The following LRRFIP1 variants were observed in gnomAD, a reference collection of about 807,000 sequenced individuals.
LRRFIP1 encodes leucine-rich repeat flightless-interacting protein 1.
Under a neutral mutation model 104.4 loss-of-function variants are expected in LRRFIP1, and 62 were observed. The ratio of observed to expected loss-of-function variants is 0.59; its 90% CI spans 0.48 to 0.73. The LOEUF (loss-of-function observed/expected upper bound fraction) is 0.73. Among genes scored for constraint, LRRFIP1 ranks in the 30% least tolerant of loss-of-function variants. LRRFIP1 has a pLI of 0.00. For synonymous variants in LRRFIP1, 300 were observed against 299.0 expected, an observed-to-expected ratio of 1.00 and a Z score of -0.03; for missense variants, 796 against 824.5, an observed-to-expected ratio of 0.97 and a Z score of 0.42.
chr2:237,670,429 T>G (rs75720960), intron 1 of LRRFIP1, among the ~76,000 whole-genome samples: 2 of 151,858 alleles, frequency 1.3e-5, no homozygotes, highest in East Asian at 3.9e-4. Context: ...AAGCCAGGGG[T>G]GGGGTAGGAC....
At chr2:237,751,561 T>G (rs1170035368) in intron 14 of LRRFIP1, among the ~76,000 whole-genome samples, 1 of 152,224 alleles carries the variant, frequency 6.6e-6, no homozygotes, top group Non-Finnish European at 1.5e-5. Context: ...AAAACCAGTT[T>G]CTCATTTCCC....
intron 7 of LRRFIP1, 51 bp from the exon 8 acceptor site, chr2:237,727,825 G>T: frequency 7.2e-7 from 1 of 1,380,474 alleles, no homozygotes; most frequent in South Asian, 1.2e-5. Flanking sequence ...TTGTACCTGT[G>T]AATTCATTTG....
At chr2:237,710,786 ATTCC>A (rs2094038940) in intron 2 of LRRFIP1, among the ~76,000 whole-genome samples, 2 of 152,342 alleles carry the variant, frequency 1.3e-5, no homozygotes, top group Non-Finnish European at 2.9e-5. Context: ...GCATCCCTTT[ATTCC>A]TTTGATTGAA....
intron 1 of LRRFIP1, among the ~76,000 whole-genome samples, chr2:237,659,514 A>T (rs1048104736): frequency 1.3e-5 from 2 of 151,236 alleles, no homozygotes; most frequent in African/African-American, 4.8e-5. Flanking sequence ...AAAGCTGGCA[A>T]ATGGAACCAC....
Position 237,764,378 on chromosome 2 carries a change from A to G in LRRFIP1, c.1459+4173A>G. The stretch of plus-strand genomic sequence containing the variant: ...ATCAGTGTACGTTCTAATTGAGAGC[A>G]TTCCAGTAGTATCAAACAATAATGT... On this transcript the variant is annotated intron_variant, in intron 19 of 23. Coordinates refer to ENST00000308482, the MANE Select transcript of LRRFIP1 (RefSeq NM_001137550.2). 6 of 1,435,438 alleles carry G rather than the reference A, an allele frequency of 4.2e-6. No homozygotes were observed. In the South Asian group the frequency reaches 9.5e-5, roughly 23 times the overall value. The allele number at this position is 1,435,438 out of a possible 1,614,324, so 88.9% of individuals were successfully genotyped here.
At chr2:237,774,233 A>T (rs1286148233) in intron 22 of LRRFIP1, 125 bp from the exon 23 acceptor site, 2 of 650,752 alleles carry the variant, frequency 3.1e-6, no homozygotes, top group Admixed American at 2.9e-5. Context: ...CCAAAATGTT[A>T]TAAGTATTTA....
chr2:237,675,478 C>T (rs1397232276), intron 1 of LRRFIP1, among the ~76,000 whole-genome samples: 3 of 152,188 alleles, frequency 2.0e-5, no homozygotes, highest in African/African-American at 7.2e-5. Flanking sequence ...CTTCACCAGC[C>T]TGCCAGGGGG....
At chr2:237,776,951 T>C (rs2061146393) in intron 23 of LRRFIP1, among the ~76,000 whole-genome samples, 1 of 152,212 alleles carries the variant, frequency 6.6e-6, no homozygotes, top group Admixed American at 6.5e-5. Context: ...GTCTTTTGTG[T>C]GTCATTTTTC....
At chr2:237,684,629 C>A (rs2092181737) in intron 1 of LRRFIP1, among the ~76,000 whole-genome samples, 1 of 152,138 alleles carries the variant, frequency 6.6e-6, no homozygotes, top group African/African-American at 2.4e-5. Context: ...TTTAAATGAA[C>A]TATTCTGAGA....
chr2:237,638,081 CACATT>C (rs1379096074), intron 1 of LRRFIP1, among the ~76,000 whole-genome samples: 1 of 152,126 alleles, frequency 6.6e-6, no homozygotes, highest in African/African-American at 2.4e-5. Context: ...ATGATTCCAG[CACATT>C]ACATTTATTG....
intron 1 of LRRFIP1, among the ~76,000 whole-genome samples, chr2:237,698,511 C>T (rs2093331369): frequency 6.6e-6 from 1 of 152,232 alleles, no homozygotes; most frequent in Admixed American, 6.5e-5. Flanking sequence ...TGCCAGGTCC[C>T]CCGAGTGCAG....
At chr2:237,666,807 CTCTT>C (rs2089411513) in intron 1 of LRRFIP1, among the ~76,000 whole-genome samples, 1 of 148,802 alleles carries the variant, frequency 6.7e-6, no homozygotes, top group African/African-American at 2.5e-5. Context: ...CTCTTTCTTT[CTCTT>C]TCTTTCTTTC....
intron 11 of LRRFIP1, among the ~76,000 whole-genome samples, chr2:237,742,750 G>GT (rs1163017189): frequency 6.6e-6 from 1 of 152,202 alleles, no homozygotes; most frequent in African/African-American, 2.4e-5. Flanking sequence ...GCCTGGATAG[G>GT]ACTCCCCGGT....
intron 11 of LRRFIP1, among the ~76,000 whole-genome samples, chr2:237,742,223 C>A (rs529043904): frequency 4.1e-4 from 62 of 152,332 alleles, no homozygotes; most frequent in African/African-American, 1.5e-3. Context: ...CGTCCTGGGA[C>A]CTGATGGGGG....
rs1010214634 is a variant in LRRFIP1, at chr2:237,758,645, A to G, written c.1225-84A>G. On this transcript the variant is annotated intron_variant, in intron 17 of 23. Transcript: ENST00000308482. ...GTCCACTAGTGTTTTAGATGGTAGA[A>G]GCCTCCTTCTGGTTCCTGCTTCTGA... 6.7e-5 allele frequency: 58 copies of G among 868,412 alleles called. No homozygotes were observed. In the Admixed American group the frequency reaches 1.2e-3, roughly 19 times the overall value. The allele number at this position is 868,412 out of a possible 1,614,324, so 53.8% of individuals were successfully genotyped here.
At chr2:237,634,062 G>A (rs753175556) in intron 1 of LRRFIP1, among the ~76,000 whole-genome samples, 2 of 151,942 alleles carry the variant, frequency 1.3e-5, no homozygotes, top group African/African-American at 2.4e-5. Context: ...TTCTCAGGCC[G>A]TTCCCCACAC....
chr2:237,708,530 C>T lies in LRRFIP1; in HGVS notation c.97-14C>T. On this transcript the variant is annotated splice_polypyrimidine_tract_variant and intron_variant, in intron 1 of 23. Coordinates refer to ENST00000308482, the MANE Select transcript of LRRFIP1 (RefSeq NM_001137550.2). ...GCTGCTCTGTCCTCTAATAAGATGC[C>T]CTGTCCGTTTCAGGCGGAAGCCCGG... 1.3e-6 allele frequency: 2 copies of T among 1,555,284 alleles called. No individual in the cohort carries two copies. Among genetic ancestry groups the T allele is most frequent in the Non-Finnish European group, 1.7e-6 (2 of 1,146,898 alleles).
intron 1 of LRRFIP1, among the ~76,000 whole-genome samples, chr2:237,629,000 G>A (rs1442685477): frequency 3.3e-5 from 5 of 152,072 alleles, no homozygotes; most frequent in African/African-American, 1.2e-4. Flanking sequence ...CTCTCACATC[G>A]CACCAGGCCT....
intron 1 of LRRFIP1, among the ~76,000 whole-genome samples, chr2:237,672,367 C>T (rs748249171): frequency 2.6e-4 from 39 of 152,086 alleles, no homozygotes; most frequent in Non-Finnish European, 5.3e-4. Flanking sequence ...GAGTGAGGAT[C>T]GATGCCCCAG....
Sources: gnomAD v4.1 joint callset for allele counts (sites outside exome capture counted in the v4.1 genomes callset) on GRCh38, gnomAD v4.1.1 for gene constraint, MANE v1.5 for transcripts, NCBI Gene and HGNC (gene_info 2026-07-23, HGNC 2026-07-21) for gene names.